The following RTP2 variants were observed in gnomAD, a reference collection of about 807,000 sequenced individuals.
The protein encoded by RTP2 is receptor-transporting protein 2.
In RTP2, 12 loss-of-function variants were observed where a neutral mutation model predicts 17.9. The ratio of observed to expected loss-of-function variants is 0.67; its 90% CI spans 0.43 to 1.09. RTP2 has a LOEUF of 1.09. Among genes scored for constraint, RTP2 ranks in the 50% least tolerant of loss-of-function variants. The pLI is 0.00. For missense variants in RTP2, 327 were observed against 295.7 expected (o/e 1.11, Z -0.78); for synonymous variants, 126 against 117.7 (o/e 1.07, Z -0.46).
upstream of RTP2, among the ~76,000 whole-genome samples, chr3:187,704,654 A>G (rs188619750): frequency 6.6e-6 from 1 of 152,352 alleles, no homozygotes; most frequent in Non-Finnish European, 1.5e-5. Flanking sequence ...GGTGTGTCCT[A>G]TCTTCTCCTG....
the RTP2 span, among the ~76,000 whole-genome samples, chr3:187,710,573 C>T: frequency 7.4e-5 from 11 of 147,678 alleles, no homozygotes; most frequent in Middle Eastern, 3.4e-3. Flanking sequence ...ATATGATATA[C>T]ATATGTGTAT....
chr3:187,700,818 A>G (rs533336090), intron 1 of RTP2, among the ~76,000 whole-genome samples: 1 of 152,230 alleles, frequency 6.6e-6, no homozygotes, highest in Non-Finnish European at 1.5e-5. Flanking sequence ...TGCTCAGCAC[A>G]TAACAGGTAC....
At chr3:187,703,140 G>A (rs1232035518), upstream of RTP2, among the ~76,000 whole-genome samples, 2 of 152,226 alleles carry the variant, frequency 1.3e-5, no homozygotes, top group Non-Finnish European at 2.9e-5. Context: ...TGAAGACACG[G>A]TTACCTGAAG....
intron 1 of RTP2, among the ~76,000 whole-genome samples, chr3:187,700,226 C>T (rs1717811403): frequency 6.6e-6 from 1 of 152,224 alleles, no homozygotes; most frequent in Admixed American, 6.5e-5. Context: ...CCCTGAAAGC[C>T]TGATCACATG....
intron 1 of RTP2, among the ~76,000 whole-genome samples, chr3:187,699,729 C>A (rs978115888): frequency 8.6e-6 from 1 of 116,438 alleles, no homozygotes; most frequent in African/African-American, 3.4e-5. Flanking sequence ...CATTGCCACT[C>A]CACACACACA....
At chr3:187,701,924 C>CAGGGGCTGTCTGCA in intron 1 of RTP2, 41 bp downstream of exon 1, 1 of 1,529,912 alleles carries the variant, frequency 6.5e-7, no homozygotes, top group Admixed American at 1.9e-5. Flanking sequence ...AGCTGTGACC[C>CAGGGGCTGTCTGCA]AGGGGCTGTC....
the RTP2 span, chr3:187,715,650 T>G: frequency 2.2e-6 from 1 of 456,722 alleles, no homozygotes; most frequent in Non-Finnish European, 4.4e-6. Flanking sequence ...TTCTCACCAC[T>G]GGTTCTAAGT....
At chr3:187,708,969 C>CT in the RTP2 span, among the ~76,000 whole-genome samples, 68,922 of 142,090 alleles carry the variant, frequency 0.49, 19,600 homozygotes, top group East Asian at 0.69. Flanking sequence ...TTTTTTTTTC[C>CT]TTTTTTTTTT....
chr3:187,705,253 C>T (rs893975452), upstream of RTP2, among the ~76,000 whole-genome samples: 2 of 152,144 alleles, frequency 1.3e-5, no homozygotes, highest in South Asian at 2.1e-4. Context: ...GCCTATGCTG[C>T]TTCTGTCCAA....
At chr3:187,709,984 C>A in the RTP2 span, among the ~76,000 whole-genome samples, 4 of 152,152 alleles carry the variant, frequency 2.6e-5, no homozygotes, top group African/African-American at 9.6e-5. Flanking sequence ...GCTTGGACAC[C>A]ATTTCTGGAT....
At chr3:187,707,819 A>G in the RTP2 span, among the ~76,000 whole-genome samples, 9 of 152,304 alleles carry the variant, frequency 5.9e-5, 1 homozygote, top group Middle Eastern at 0.01. Context: ...TGCTGTTTCC[A>G]TGACACACTT....
the RTP2 span, among the ~76,000 whole-genome samples, chr3:187,709,386 C>A: frequency 6.6e-6 from 1 of 152,100 alleles, no homozygotes; most frequent in Admixed American, 6.6e-5. Flanking sequence ...ACAGGCAGTA[C>A]CTTGGGAATT....
At chr3:187,698,274 T>TGGCAAGC (rs1717736587) in exon 2 of RTP2, 1 of 531,094 alleles carries the variant, frequency 1.9e-6, no homozygotes, top group South Asian at 2.9e-5. Flanking sequence ...CTCTAAAACC[T>TGGCAAGC]TTATTACACC....
At chr3:187,703,257 G>T (rs1407346516), upstream of RTP2, among the ~76,000 whole-genome samples, 2 of 152,194 alleles carry the variant, frequency 1.3e-5, no homozygotes, top group African/African-American at 2.4e-5. Context: ...CGGAAGTCTG[G>T]ATCCCTAGAC....
intron 1 of RTP2, among the ~76,000 whole-genome samples, chr3:187,699,729 C>CCACACACACACA (rs1328615413): frequency 4.3e-5 from 5 of 116,432 alleles, no homozygotes; most frequent in Non-Finnish European, 5.3e-5. Flanking sequence ...CATTGCCACT[C>CCACACACACACA]CACACACACA....
the RTP2 span, among the ~76,000 whole-genome samples, chr3:187,709,127 A>G: frequency 1.1e-4 from 16 of 152,234 alleles, no homozygotes; most frequent in Admixed American, 7.8e-4. Flanking sequence ...CATTTTTTCC[A>G]AGTTACTATT....
At chr3:187,714,597 T>G in the RTP2 span, among the ~76,000 whole-genome samples, 2 of 152,228 alleles carry the variant, frequency 1.3e-5, no homozygotes, top group South Asian at 4.1e-4. Context: ...ACCTTGTGGC[T>G]ATTTGCTAGA....
At chr3:187,705,453 A>T (rs1225910113), upstream of RTP2, among the ~76,000 whole-genome samples, 1 of 152,228 alleles carries the variant, frequency 6.6e-6, no homozygotes, top group Non-Finnish European at 1.5e-5. Context: ...TCTAAAAATG[A>T]CAAGGCTGGG....
chr3:187,699,780 C>CTCTCTCTCTCTT (rs1717798850), intron 1 of RTP2, among the ~76,000 whole-genome samples: 1 of 18,060 alleles, frequency 5.5e-5, no homozygotes, highest in African/African-American at 2.0e-4. Context: ...CACACACACA[C>CTCTCTCTCTCTT]ACATATATTT....
Sources: allele counts gnomAD v4.1 joint callset (sites outside exome capture counted in the v4.1 genomes callset), GRCh38; gene constraint gnomAD v4.1.1; transcripts MANE v1.5; gene names NCBI Gene and HGNC (gene_info 2026-07-23, HGNC 2026-07-21).